The following PES1 variants were observed in gnomAD, a reference collection of about 807,000 sequenced individuals.
PES1 encodes pescadillo homolog.
PES1 carries 31 observed loss-of-function variants against 77.1 expected under a neutral mutation model. The ratio of observed to expected loss-of-function variants is 0.40; its 90% CI spans 0.30 to 0.54. The LOEUF is 0.54. Among genes scored for constraint, PES1 ranks in the 20% least tolerant of loss-of-function variants. The pLI is 0.45. For missense variants in PES1, 658 were observed against 771.7 expected (o/e 0.85, Z 1.75); for synonymous variants, 282 against 303.0 (o/e 0.93, Z 0.72).
chr22:30,594,939 G>A (rs1602024481), upstream of PES1, among the ~76,000 whole-genome samples: 1 of 152,054 alleles, frequency 6.6e-6, no homozygotes, highest in Non-Finnish European at 1.5e-5. Context: ...CTGCAGTGAG[G>A]TGTGTTCACG....
Position 30,579,272 on chromosome 22 carries a change from T to C in PES1, c.1386A>G (p.Glu462=), listed in dbSNP as rs1569020422. The C allele has an allele frequency of 1.5e-5, 24 of 1,601,560 alleles. No homozygotes were observed. The highest frequency in any genetic ancestry group is 2.0e-5 in the Non-Finnish European group (24 of 1,179,640). ...CATCACCTTCGTTGTTGTCGTCCTCTTCCTCCTCCTCTTCTGACTCATTCA... is the reference window on the plus strand; with the variant it reads ...CATCACCTTCGTTGTTGTCGTCCTCCTCCTCCTCCTCTTCTGACTCATTCA... ...GNLNESEEEE[E]EDDNNEGDGD... Residue 462 remains glutamate (E), a synonymous_variant, in exon 13 of 15, where the codon GAA becomes GAG. Transcript: ENST00000354694.
In PES1 at chr22:30,589,193, A is replaced by T. The variant is rs1429286091; in HGVS notation, c.102T>A (p.Phe34Leu). ...TCCCACGGTCCCTCTATATTCACCT[A>T]AAGTCAGCCAAGCTCAGCTGGAGCT... ...RKKLQLSLAD[F>L]RRLCILKGIY... is the part of the protein sequence containing the mutation. The change falls in exon 2 of 15, where the codon TTT becomes TTA. Residue 34 changes from phenylalanine (F) to leucine (L), a missense_variant and splice_region_variant. Physicochemically the swap from Phe to Leu is conservative, Grantham distance 22. Coordinates refer to ENST00000354694, the MANE Select transcript of PES1 (RefSeq NM_014303.4). 6.2e-7 allele frequency: 1 copy of T among 1,613,278 alleles called. No individual in the cohort carries two copies. Among genetic ancestry groups the T allele is most frequent in the Admixed American group, 1.7e-5 (1 of 59,962 alleles).
intron 1 of PES1, among the ~76,000 whole-genome samples, chr22:30,590,360 C>T (rs2087158418): frequency 6.6e-6 from 1 of 152,226 alleles, no homozygotes; most frequent in Non-Finnish European, 1.5e-5. Flanking sequence ...CAGCAGGGGC[C>T]TCTTTGGCTA....
chr22:30,580,190 G>C lies in PES1; in HGVS notation c.1044-12C>G, dbSNP rs1311317705. ...CCCCACCAAAACTCCTACAGGGACA[G>C]GGAGAGCCCACACGGGTACACAGAC... On this transcript the variant is annotated splice_polypyrimidine_tract_variant and intron_variant, in intron 10 of 14. Coordinates refer to ENST00000354694, the MANE Select transcript of PES1 (RefSeq NM_014303.4). 6.2e-7 allele frequency: 1 copy of C among 1,607,818 alleles called. No homozygotes were observed. Among genetic ancestry groups the C allele is most frequent in the Non-Finnish European group, 8.5e-7 (1 of 1,176,884 alleles).
At chr22:30,586,760 G>A (rs147379387) in intron 4 of PES1, among the ~76,000 whole-genome samples, 1 of 152,078 alleles carries the variant, frequency 6.6e-6, no homozygotes, top group African/African-American at 2.4e-5. Context: ...GGTCAGCCTG[G>A]CCAACATGGG....
Position 30,589,248 on chromosome 22 carries a change from T to C in PES1, c.47A>G (p.Asn16Ser), listed in dbSNP as rs139178205. 17 of 1,613,766 alleles carry C rather than the reference T, an allele frequency of 1.1e-5. No individual in the cohort carries two copies. Among genetic ancestry groups the C allele is most frequent in the Middle Eastern group, 1.6e-4 (1 of 6,080 alleles). ...CCGGGCTTTGTTCCGGGTGATGTAG[T>C]TGGTGGCCGAGCCTCGTTCATACTG... is the stretch of plus-strand genomic sequence containing the variant. ...KKKYERGSAT[N>S]YITRNKARKK... Residue 16 changes from asparagine to serine, a missense_variant, in exon 2 of 15, where the codon AAC becomes AGC. Physicochemically the swap from Asn to Ser is conservative, Grantham distance 46. Transcript: ENST00000354694.
chr22:30,598,912 T>TTTTTTTTTTTTTA lies in PES1; in HGVS notation c.-660-6515_-660-6514insTAAAAAAAAAAAA, dbSNP rs761643665. ...TTTTTTTTTTTTTTTTTTTTTTTTT[T>TTTTTTTTTTTTTA]TTGAGATGGAGTCCTGCTCTGTCAT... is the stretch of plus-strand genomic sequence containing the variant. On this transcript the variant is annotated intron_variant, in intron 2 of 16. Coordinates refer to the PES1 transcript ENST00000402281. 1.8e-4 allele frequency among the ~76,000 whole-genome samples: 21 copies of TTTTTTTTTTTTTA among 116,428 alleles called. 3 individuals are homozygous for TTTTTTTTTTTTTA. The highest frequency in any genetic ancestry group is 4.8e-4 in the African/African-American group (14 of 29,388). The allele number at this position is 116,428 out of a possible 152,430, so 76.4% of individuals were successfully genotyped here.
At chr22:30,580,934 A>C in intron 9 of PES1, 78 bp downstream of exon 9, 1 of 1,295,622 alleles carries the variant, frequency 7.7e-7, no homozygotes, top group Non-Finnish European at 1.1e-6. Flanking sequence ...TAATTATAGG[A>C]TGCAAATGTC....
At chr22:30,584,155 C>T (rs1602012092) in intron 6 of PES1, 2 of 591,904 alleles carry the variant, frequency 3.4e-6, no homozygotes, top group Admixed American at 2.8e-5. Flanking sequence ...TCCAAGGGCA[C>T]GCAGCTGGCA....
chr22:30,589,016 C>T (rs2087136169), intron 2 of PES1, among the ~76,000 whole-genome samples, 175 bp downstream of exon 2: 1 of 151,090 alleles, frequency 6.6e-6, no homozygotes, highest in African/African-American at 2.4e-5. Flanking sequence ...AGTTCTCCTC[C>T]ATTTTCCCTT....
At chr22:30,606,826 A>G in exon 1 of PES1, 2 of 1,002,230 alleles carry the variant, frequency 2.0e-6, no homozygotes, top group Non-Finnish European at 2.4e-6. Context: ...CTGCAGCTGC[A>G]GCTCCCGTTC....
chr22:30,606,909 C>A, exon 1 of PES1: 2 of 1,064,254 alleles, frequency 1.9e-6, no homozygotes, highest in Admixed American at 4.9e-5. Flanking sequence ...GGCACCCGGT[C>A]CTGCCAATCC....
exon 1 of PES1, chr22:30,606,984 C>T: frequency 1.4e-6 from 1 of 730,184 alleles, no homozygotes; most frequent in Non-Finnish European, 1.9e-6. Flanking sequence ...GATCAGGCAT[C>T]AGGCCCTCTG....
At position 30,581,412 on chromosome 22, in the gene PES1, G is replaced by A; in HGVS notation, c.748-4C>T. The A allele has an allele frequency of 6.2e-7, 1 of 1,613,622 alleles. No homozygotes were observed. The highest frequency in any genetic ancestry group is 8.5e-7 in the Non-Finnish European group (1 of 1,180,002). On this transcript the variant is annotated splice_region_variant and splice_polypyrimidine_tract_variant and intron_variant, in intron 7 of 14. Transcript: ENST00000354694. ...CTGCTTGGGCCTGACCCTCGAGCTA[G>A]TAGGCAAAGGGAAGGTCAGGAGGCA...
At chr22:30,585,637 T>G (rs1164173589) in intron 4 of PES1, among the ~76,000 whole-genome samples, 1 of 151,152 alleles carries the variant, frequency 6.6e-6, no homozygotes, top group Non-Finnish European at 1.5e-5. Flanking sequence ...CTTTTTCTAT[T>G]TTCTTTTTTC....
intron 2 of PES1, among the ~76,000 whole-genome samples, chr22:30,602,455 CAA>C (rs767425295): frequency 2.5e-3 from 109 of 43,530 alleles, no homozygotes; most frequent in Non-Finnish European, 3.9e-3. Flanking sequence ...TTTTTTGACA[CAA>C]GAGTTCCACC....
Position 30,578,757 on chromosome 22 carries a change from G to A in PES1, c.1683+80C>T, listed in dbSNP as rs1278012995. 3 of 1,462,304 alleles carry A rather than the reference G, an allele frequency of 2.1e-6. No homozygotes were observed. In the Admixed American group the frequency reaches 5.2e-5, roughly 25 times the overall value. 90.6% of individuals were successfully genotyped at this position (1,462,304 alleles called of 1,614,324 possible). ...GAGAGCCTCAGTCTGCCTAGAGGAG[G>A]GCCCCAAGCCACATAAGTTCACCTG... On this transcript the variant is annotated intron_variant, in intron 14 of 14. Coordinates refer to ENST00000354694, the MANE Select transcript of PES1 (RefSeq NM_014303.4).
At chr22:30,598,162 T>G (rs1336557012) in intron 2 of PES1, 1 of 152,218 alleles carries the variant, frequency 6.6e-6, no homozygotes, top group Non-Finnish European at 1.5e-5. Context: ...TGCTGCTCAC[T>G]TTTTGGGTGT....
At chr22:30,605,813 T>G (rs554428063) in intron 1 of PES1, among the ~76,000 whole-genome samples, 21 of 152,378 alleles carry the variant, frequency 1.4e-4, no homozygotes, top group Admixed American at 2.6e-4. Context: ...TTTATTTATG[T>G]CAAGGGCTTG....
Sources: allele counts gnomAD v4.1 joint callset (sites outside exome capture counted in the v4.1 genomes callset), GRCh38; gene constraint gnomAD v4.1.1; transcripts MANE v1.5; gene names NCBI Gene and HGNC (gene_info 2026-07-23, HGNC 2026-07-21).